The following NAPG variants were observed in gnomAD, a reference collection of about 807,000 sequenced individuals.
The protein encoded by NAPG is NSF attachment protein gamma, also known as gamma-soluble NSF attachment protein.
Under a neutral mutation model 48.4 loss-of-function variants are expected in NAPG, and 25 were observed. The ratio of observed to expected loss-of-function variants is 0.52; its 90% CI spans 0.38 to 0.72. The LOEUF (loss-of-function observed/expected upper bound fraction) is 0.72. Ranked by LOEUF, NAPG falls within the 30% of genes least tolerant of loss-of-function variation. The probability of loss-of-function intolerance (pLI) is 0.00; values close to 1 mark genes in which losing one functional copy is unlikely to be tolerated. For synonymous variants in NAPG, 139 were observed against 127.2 expected (o/e 1.09, Z -0.62); for missense variants, 359 against 372.5 (o/e 0.96, Z 0.30).
At chr18:10,526,239 C>CTTCCCCCCGGGGGGGGGG in intron 1 of NAPG, 81 bp downstream of exon 1, 2 of 349,042 alleles carry the variant, frequency 5.7e-6, no homozygotes, top group Non-Finnish European at 1.2e-5. Context: ...CCGGGGGGGG[C>CTTCCCCCCGGGGGGGGGG]GGGAGGGAGG....
In NAPG at chr18:10,526,074, C is replaced by T. The variant is rs760377767; in HGVS notation, c.-29C>T. The T allele has an allele frequency of 6.2e-6, 10 of 1,608,318 alleles. No individual in the cohort carries two copies. Among genetic ancestry groups the T allele is most frequent in the Non-Finnish European group, 8.5e-6 (10 of 1,175,080 alleles). On this transcript the variant is annotated 5_prime_UTR_variant, in exon 1 of 12. Transcript: ENST00000322897. ...CCGGAGGAAGAGGCAGGGTCACCCT[C>T]TCTCCACGTCAGAGACCTGACTGTG...
chr18:10,527,282 A>G (rs1488499925), intron 1 of NAPG, among the ~76,000 whole-genome samples: 1 of 152,202 alleles, frequency 6.6e-6, no homozygotes, highest in Non-Finnish European at 1.5e-5. Flanking sequence ...TCTTCACAAT[A>G]ACTTTCCAAA....
In NAPG at chr18:10,541,107, CCTAT is replaced by C. The variant is rs375212841; in HGVS notation, c.506+711_506+714del. On this transcript the variant is annotated intron_variant, in intron 8 of 11. Transcript: ENST00000322897. The stretch of plus-strand genomic sequence containing the variant: ...AAATAGAAATGACTGATGAATCTAT[CCTAT>C]CTGAGACTGAATTAAATTTTTTCTT... Among the ~76,000 whole-genome samples the C allele has an allele frequency of 1.7e-4, 26 of 152,226 alleles. No individual in the cohort carries two copies. The East Asian group carries it at 3.9e-3, about 23-fold the overall frequency.
Position 10,548,101 on chromosome 18 carries a change from A to G in NAPG, c.586-198A>G, listed in dbSNP as rs73392654. Among the ~76,000 whole-genome samples, 1,976 of 152,338 alleles carry G rather than the reference A, an allele frequency of 0.013. 37 individuals carry two copies. The highest frequency in any genetic ancestry group is 0.045 in the African/African-American group (1,882 of 41,582). ...GGCTTGCCCCTAGCAGCCAAATTCC[A>G]GGACATGAGAATTGGAAAAGTACTG... On this transcript the variant is annotated intron_variant, in intron 9 of 11. Coordinates refer to ENST00000322897, the MANE Select transcript of NAPG (RefSeq NM_003826.3). The surrounding 1 kb of genome is among the most constrained non-coding windows in gnomAD (Gnocchi z 4.4).
Position 10,534,621 on chromosome 18 carries a change from T to A in NAPG, c.258+125T>A, listed in dbSNP as rs2031995670. On this transcript the variant is annotated intron_variant, in intron 5 of 11. Coordinates refer to ENST00000322897, the MANE Select transcript of NAPG (RefSeq NM_003826.3). The surrounding 1 kb of genome is among the most constrained non-coding windows in gnomAD (Gnocchi z 5.0). Reference sequence around the variant, plus strand: ...AAGGCAAGAGGTGCTAAGTTAAGATTTTCTGTCCACGGTAACGTTAATTGG... The same window carrying A: ...AAGGCAAGAGGTGCTAAGTTAAGATATTCTGTCCACGGTAACGTTAATTGG... The A allele has an allele frequency of 1.2e-6, 1 of 819,212 alleles. No homozygotes were observed. Among genetic ancestry groups the A allele is most frequent in the Non-Finnish European group, 2.1e-6 (1 of 486,354 alleles). 50.7% of individuals were successfully genotyped at this position (819,212 alleles called of 1,614,324 possible).
chr18:10,548,444 C>A lies in NAPG; in HGVS notation c.665+66C>A. 1.6e-6 allele frequency: 2 copies of A among 1,248,916 alleles called. No homozygotes were observed. Among genetic ancestry groups the A allele is most frequent in the Non-Finnish European group, 2.3e-6 (2 of 854,752 alleles). 77.4% of individuals were successfully genotyped at this position (1,248,916 alleles called of 1,614,324 possible). A position where few individuals can be genotyped will look rare whatever the true frequency, so the allele number is the denominator to read the frequency against. On this transcript the variant is annotated intron_variant, in intron 10 of 11. Coordinates refer to ENST00000322897, the MANE Select transcript of NAPG (RefSeq NM_003826.3). This position sits in a 1 kb window ranked among gnomAD's most constrained non-coding sequence, Gnocchi z 4.4. The stretch of plus-strand genomic sequence containing the variant: ...ACCTCTGTGTCTACAACTAAGATTG[C>A]TGCTAGGACACATGTTCCTGGCCAT...
Position 10,534,854 on chromosome 18 carries a change from T to A in NAPG, c.258+358T>A, listed in dbSNP as rs1457833756. 6.6e-6 allele frequency among the ~76,000 whole-genome samples: 1 copy of A among 152,242 alleles called. No individual in the cohort carries two copies. Among genetic ancestry groups the A allele is most frequent in the Non-Finnish European group, 1.5e-5 (1 of 68,046 alleles). ...AAATTTTATAAATATTAAAAAATTA[T>A]CATACATGGGTTATAGAAGAGATTT... On this transcript the variant is annotated intron_variant, in intron 5 of 11. Coordinates refer to ENST00000322897, the MANE Select transcript of NAPG (RefSeq NM_003826.3). The surrounding 1 kb of genome is among the most constrained non-coding windows in gnomAD (Gnocchi z 5.0).
At chr18:10,536,448 TG>T (rs774804605) in intron 5 of NAPG, among the ~76,000 whole-genome samples, 22 of 152,216 alleles carry the variant, frequency 1.4e-4, no homozygotes, top group Non-Finnish European at 3.1e-4. Context: ...AGAAACTTGT[TG>T]GATCAACCTT....
intron 11 of NAPG, 48 bp from the exon 12 acceptor site, chr18:10,550,029 T>C: frequency 6.7e-7 from 1 of 1,484,436 alleles, no homozygotes; most frequent in Non-Finnish European, 8.9e-7. Flanking sequence ...TAAAACATGT[T>C]AGGATTCTAG....
At chr18:10,531,768 G>A (rs894786424) in intron 2 of NAPG, among the ~76,000 whole-genome samples, 4 of 152,184 alleles carry the variant, frequency 2.6e-5, no homozygotes, top group Non-Finnish European at 5.9e-5. Context: ...CTCTGTGAGG[G>A]AAATTTAACA....
rs763424554 is a variant in NAPG, at chr18:10,543,666, A to G, written c.507-2660A>G. ...GACAGTTTTCTGCCATTTGCACATA[A>G]CTTCTGTGGGGTTTCAATTTTGTTA... On this transcript the variant is annotated intron_variant, in intron 8 of 11. Coordinates refer to ENST00000322897, the MANE Select transcript of NAPG (RefSeq NM_003826.3). The surrounding 1 kb of genome is among the most constrained non-coding windows in gnomAD (Gnocchi z 4.4). Among the ~76,000 whole-genome samples, 1 of 152,134 alleles carries G rather than the reference A, an allele frequency of 6.6e-6. No homozygotes were observed. Among genetic ancestry groups the G allele is most frequent in the Non-Finnish European group, 1.5e-5 (1 of 68,020 alleles).
Position 10,550,171 on chromosome 18 carries a change from C to T in NAPG, c.890C>T (p.Ala297Val). ...CAGGCCAAGCCTGATGGTGTCACTGCCACGGCTGCTGATGAAGAGGAAGAT... is the reference window on the plus strand; with the variant it reads ...CAGGCCAAGCCTGATGGTGTCACTGTCACGGCTGCTGATGAAGAGGAAGAT... ...TPQAKPDGVT[A>V]TAADEEEDEY... is the part of the protein sequence containing the mutation. Residue 297 changes from alanine to valine, a missense_variant, in exon 12 of 12, where the codon GCC becomes GTC. By Grantham distance (64) the Ala-to-Val change is moderately conservative. Transcript: ENST00000322897. 1 of 1,588,374 alleles carries T rather than the reference C, an allele frequency of 6.3e-7. No individual in the cohort carries two copies. Among genetic ancestry groups the T allele is most frequent in the South Asian group, 1.2e-5 (1 of 86,766 alleles).
At chr18:10,528,592 A>T (rs963946480) in intron 1 of NAPG, among the ~76,000 whole-genome samples, 2 of 152,224 alleles carry the variant, frequency 1.3e-5, no homozygotes, top group Non-Finnish European at 2.9e-5. Context: ...ATAACAGTAC[A>T]GGGGTAGGAC....
At chr18:10,532,369 G>A (rs1164305104) in intron 2 of NAPG, among the ~76,000 whole-genome samples, 1 of 152,154 alleles carries the variant, frequency 6.6e-6, no homozygotes, top group Non-Finnish European at 1.5e-5. Context: ...GGTGAAGTAA[G>A]GTGCTGTCTT....
intron 5 of NAPG, among the ~76,000 whole-genome samples, chr18:10,537,387 A>G (rs1283055481): frequency 1.9e-4 from 29 of 152,240 alleles, no homozygotes. Flanking sequence ...AATCGTAAGG[A>G]AGAGAAAATA....
Position 10,548,837 on chromosome 18 carries a change from C to T in NAPG, c.666-130C>T. On this transcript the variant is annotated intron_variant, in intron 10 of 11. Transcript: ENST00000322897. This position sits in a 1 kb window ranked among gnomAD's most constrained non-coding sequence, Gnocchi z 4.4. ...CCCGGTCTCTGCCCTCTAGATGCCACTAGCATTCCCACACTTTTAAGTACC... is the reference window on the plus strand; with the variant it reads ...CCCGGTCTCTGCCCTCTAGATGCCATTAGCATTCCCACACTTTTAAGTACC... The T allele has an allele frequency of 8.5e-7, 1 of 1,178,428 alleles. No individual in the cohort carries two copies. The highest frequency in any genetic ancestry group is 2.6e-5 in the East Asian group (1 of 38,716). The allele number at this position is 1,178,428 out of a possible 1,614,324, so 73.0% of individuals were successfully genotyped here. A position where few individuals can be genotyped will look rare whatever the true frequency, so the allele number is the denominator to read the frequency against.
At chr18:10,547,714 G>A (rs2032298214) in intron 9 of NAPG, among the ~76,000 whole-genome samples, 1 of 152,088 alleles carries the variant, frequency 6.6e-6, no homozygotes, top group Non-Finnish European at 1.5e-5. Flanking sequence ...CTAAACAATA[G>A]AGACACCAAA....
chr18:10,547,275 CTG>C (rs2032289202), intron 9 of NAPG, among the ~76,000 whole-genome samples: 1 of 152,200 alleles, frequency 6.6e-6, no homozygotes, highest in Admixed American at 6.5e-5. Flanking sequence ...CTGAACCTAA[CTG>C]GGGTGATTAC....
At chr18:10,536,659 G>A (rs1211969817) in intron 5 of NAPG, among the ~76,000 whole-genome samples, 3 of 152,202 alleles carry the variant, frequency 2.0e-5, no homozygotes, top group African/African-American at 7.2e-5. Context: ...ACAGGAAGAT[G>A]TAGTTGCTAA....
Sources: gnomAD v4.1 joint callset for allele counts (sites outside exome capture counted in the v4.1 genomes callset) on GRCh38, gnomAD v4.1.1 for gene constraint, Gnocchi (gnomAD v3.1) non-coding constraint, MANE v1.5 for transcripts, NCBI Gene and HGNC (gene_info 2026-07-23, HGNC 2026-07-21) for gene names.